The following ZNF764 variants were observed in gnomAD, a reference collection of about 807,000 sequenced individuals.
ZNF764 encodes the protein zinc finger protein 764.
Under a neutral mutation model 13.9 loss-of-function variants are expected in ZNF764, and 10 were observed. The observed-to-expected ratio is 0.72, with a 90% CI of 0.44 to 1.22. The LOEUF (loss-of-function observed/expected upper bound fraction) is 1.22. Among genes scored for constraint, ZNF764 ranks in the 50% most tolerant of loss-of-function variants. The probability of loss-of-function intolerance (pLI) is 0.00; values close to 1 mark genes in which losing one functional copy is unlikely to be tolerated. For missense variants in ZNF764, 647 were observed against 589.7 expected (o/e 1.10, Z -1.01); for synonymous variants, 313 against 255.1 (o/e 1.23, Z -2.16).
In ZNF764 at chr16:30,555,719, C is replaced by G. The variant is rs768912068; in HGVS notation, c.699G>C (p.Leu233=). Residue 233 remains leucine, a synonymous_variant, in exon 3 of 3, where the codon CTG becomes CTC. Coordinates refer to ENST00000395091, the MANE Select transcript of ZNF764 (RefSeq NM_001172679.2). ...IHRGERPHRC[L]ECGRAFTQRS... ...GCTGCGTGAAGGCCCGGCCACACTC[C>G]AGACAGCGGTGGGGCCGCTCCCCAC... 2 of 1,593,000 alleles carry G rather than the reference C, an allele frequency of 1.3e-6. No homozygotes were observed. Among genetic ancestry groups the G allele is most frequent in the African/African-American group, 2.7e-5 (2 of 74,744 alleles).
intron 2 of ZNF764, among the ~76,000 whole-genome samples, chr16:30,557,287 C>A (rs1417932404): frequency 6.6e-6 from 1 of 151,830 alleles, no homozygotes; most frequent in Non-Finnish European, 1.5e-5. Flanking sequence ...GCCTGGGCAA[C>A]GGAGTAAAAC....
chr16:30,555,727 G>T lies in ZNF764; in HGVS notation c.691C>A (p.Arg231Ser), dbSNP rs1187875098. 9 of 1,596,976 alleles carry T rather than the reference G, an allele frequency of 5.6e-6. No individual in the cohort carries two copies. The East Asian group carries it at 1.1e-4, about 20-fold the overall frequency. The change falls in exon 3 of 3, where the codon CGC becomes AGC. Residue 231 changes from arginine (R) to serine (S), a missense_variant. Physicochemically the swap from Arg to Ser is moderately radical, Grantham distance 110. Transcript: ENST00000395091. ...AAGGCCCGGCCACACTCCAGACAGC[G>T]GTGGGGCCGCTCCCCACGATGGATG... is the stretch of plus-strand genomic sequence containing the variant. ...RAIHRGERPHRCLECGRAFTQ... is the reference protein window; with the variant it reads ...RAIHRGERPHSCLECGRAFTQ...
intron 1 of ZNF764, 38 bp from the exon 2 acceptor site, chr16:30,557,884 G>C: frequency 6.3e-7 from 1 of 1,578,028 alleles, no homozygotes; most frequent in Non-Finnish European, 8.6e-7. Flanking sequence ...CTGCGGGGAG[G>C]CCACCTGCCC....
In ZNF764 at chr16:30,554,154, A is replaced by AT. The variant is rs1159711623; in HGVS notation, c.*1039dup. On this transcript the variant is annotated 3_prime_UTR_variant, in exon 3 of 3. Coordinates refer to ENST00000395091, the MANE Select transcript of ZNF764 (RefSeq NM_001172679.2). ...CTAGGTCGAGTTGCCAAATCTTTGG[A>AT]TTTTTCAAAAGACACCAGAAAACCT... 6.6e-6 allele frequency: 1 copy of AT among 152,068 alleles called. No individual in the cohort carries two copies. The highest frequency in any genetic ancestry group is 1.5e-5 in the Non-Finnish European group (1 of 68,016). 9.4% of individuals were successfully genotyped at this position (152,068 alleles called of 1,614,324 possible).
At chr16:30,556,426 G>A (rs1054598725) in intron 2 of ZNF764, among the ~76,000 whole-genome samples, 6 of 152,092 alleles carry the variant, frequency 3.9e-5, no homozygotes, top group South Asian at 2.1e-4. Context: ...AGAACCAGGA[G>A]GGCATGGCCA....
rs2051545014 is a variant in ZNF764, at chr16:30,555,579, TGCA to T, written c.836_838del (p.Val279_His280delinsAsp). On this transcript the variant is annotated inframe_deletion, in exon 3 of 3. Transcript: ENST00000395091. ...GCAGGGGAAGGGGGTCTCGCCGCTG[TGCA>T]CGCGCCGGTGCTGGTAGAGGGCAGA... is the stretch of plus-strand genomic sequence containing the variant. 2 of 1,539,240 alleles carry T rather than the reference TGCA, an allele frequency of 1.3e-6. No homozygotes were observed. The highest frequency in any genetic ancestry group is 8.7e-7 in the Non-Finnish European group (1 of 1,147,880).
rs374698317 is a variant in ZNF764, at chr16:30,555,574, C to T, written c.844G>A (p.Gly282Ser). Residue 282 changes from glycine (G) to serine (S), a missense_variant, in exon 3 of 3, where the codon GGC becomes AGC. Coordinates refer to ENST00000395091, the MANE Select transcript of ZNF764 (RefSeq NM_001172679.2). Reference protein sequence around the residue: ...ALYQHRRVHSGETPFPCPDCG... With the variant: ...ALYQHRRVHSSETPFPCPDCG... ...TCCGGGCAGGGGAAGGGGGTCTCGC[C>T]GCTGTGCACGCGCCGGTGCTGGTAG... 16 of 1,533,042 alleles carry T rather than the reference C, an allele frequency of 1.0e-5. No homozygotes were observed. In the South Asian group the frequency reaches 1.3e-4, roughly 13 times the overall value. 95.0% of individuals were successfully genotyped at this position (1,533,042 alleles called of 1,614,324 possible). A position where few individuals can be genotyped will look rare whatever the true frequency, so the allele number is the denominator to read the frequency against.
chr16:30,556,224 GGAGT>G lies in ZNF764; in HGVS notation c.311-121_311-118del. 2.5e-6 allele frequency: 3 copies of G among 1,205,864 alleles called. No homozygotes were observed. The Admixed American group carries it at 5.7e-5, about 23-fold the overall frequency. The allele number at this position is 1,205,864 out of a possible 1,614,324, so 74.7% of individuals were successfully genotyped here. ...TCCCCGGCTGCTCCTGGGAGATGGA[GGAGT>G]GACACCTGTTCCTCGGCTGCAGAGC... is the stretch of plus-strand genomic sequence containing the variant. On this transcript the variant is annotated intron_variant, in intron 2 of 2. Transcript: ENST00000395091.
rs202070062 is a variant in ZNF764, at chr16:30,555,918, A to C, written c.500T>G (p.Val167Gly). ...GRPSLCAHPP[V>G]PRADQRHGCY... ...GCCATGACGCTGGTCAGCTCGGGGGACAGGGGGGTGGGCACAGAGGGAGGG... is the reference window on the plus strand; with the variant it reads ...GCCATGACGCTGGTCAGCTCGGGGGCCAGGGGGGTGGGCACAGAGGGAGGG... The change falls in exon 3 of 3, where the codon GTC becomes GGC. Residue 167 changes from valine to glycine, a missense_variant. Coordinates refer to ENST00000395091, the MANE Select transcript of ZNF764 (RefSeq NM_001172679.2). The C allele has an allele frequency of 2.4e-4, 379 of 1,610,918 alleles. No individual in the cohort carries two copies. Among genetic ancestry groups the C allele is most frequent in the Middle Eastern group, 5.0e-4 (3 of 5,994 alleles).
Position 30,555,886 on chromosome 16 carries a change from C to G in ZNF764, c.532G>C (p.Val178Leu). 6.2e-7 allele frequency: 1 copy of G among 1,611,988 alleles called. No homozygotes were observed. Among genetic ancestry groups the G allele is most frequent in the Non-Finnish European group, 8.5e-7 (1 of 1,179,324 alleles). ...CGCCAGGCAAAGCTCTTCCCGCACA[C>G]GTAGCAGCCATGACGCTGGTCAGCT... ...PRADQRHGCY[V>L]CGKSFAWRST... The change falls in exon 3 of 3, where the codon GTG becomes CTG. Residue 178 changes from valine to leucine, a missense_variant. Transcript: ENST00000395091.
At chr16:30,557,906 C>T (rs932735505) in intron 1 of ZNF764, 60 bp from the exon 2 acceptor site, 6 of 1,571,710 alleles carry the variant, frequency 3.8e-6, no homozygotes, top group Non-Finnish European at 4.3e-6. Context: ...GCCCCGGGGC[C>T]CCCAACTTCA....
rs754102496 is a variant in ZNF764 at position 30,555,943 on chromosome 16, G to A, written c.475C>T (p.Pro159Ser). Residue 159 changes from proline to serine, a missense_variant, in exon 3 of 3, where the codon CCC becomes TCC. By Grantham distance (74) the Pro-to-Ser change is moderately conservative (BLOSUM62 -1). Coordinates refer to ENST00000395091, the MANE Select transcript of ZNF764 (RefSeq NM_001172679.2). ...QLSKAPHRGR[P>S]SLCAHPPVPR... is the part of the protein sequence containing the mutation. ...ACAGGGGGGTGGGCACAGAGGGAGG[G>A]GCGTCCCCGGTGCGGTGCCTTGGAC... is the stretch of plus-strand genomic sequence containing the variant. 2 of 1,611,716 alleles carry A rather than the reference G, an allele frequency of 1.2e-6. No individual in the cohort carries two copies. The highest frequency in any genetic ancestry group is 2.2e-5 in the East Asian group (1 of 44,850).
rs777210908 is a variant in ZNF764 at position 30,556,120 on chromosome 16, A to T, written c.311-13T>A. The T allele has an allele frequency of 1.2e-6, 2 of 1,609,460 alleles. No homozygotes were observed. The highest frequency in any genetic ancestry group is 8.5e-7 in the Non-Finnish European group (1 of 1,179,970). ...TTGTTTCTGGAATCTGCTGAGAGATAAAGAGGGGAGAGTTCAGGCTCGGCT... is the reference window on the plus strand; with the variant it reads ...TTGTTTCTGGAATCTGCTGAGAGATTAAGAGGGGAGAGTTCAGGCTCGGCT... On this transcript the variant is annotated splice_polypyrimidine_tract_variant and intron_variant, in intron 2 of 2. Coordinates refer to ENST00000395091, the MANE Select transcript of ZNF764 (RefSeq NM_001172679.2).
In ZNF764 at chr16:30,556,356, CAGA is replaced by C. The variant is rs2051556739; in HGVS notation, c.311-252_311-250del. Among the ~76,000 whole-genome samples, 4 of 151,974 alleles carry C rather than the reference CAGA, an allele frequency of 2.6e-5. No individual in the cohort carries two copies. The South Asian group carries it at 6.2e-4, about 24-fold the overall frequency. On this transcript the variant is annotated intron_variant, in intron 2 of 2. Transcript: ENST00000395091. ...ATGACATGAACATCTGGGCCTGATC[CAGA>C]AGGAGGAACGGACACCTGAGGATGT... is the stretch of plus-strand genomic sequence containing the variant.
At position 30,555,277 on chromosome 16, in the gene ZNF764, C is replaced by T; in HGVS notation, c.1141G>A (p.Val381Met). The T allele has an allele frequency of 1.2e-6, 2 of 1,612,842 alleles. No homozygotes were observed. Among genetic ancestry groups the T allele is most frequent in the Non-Finnish European group, 1.7e-6 (2 of 1,179,610 alleles). Reference protein sequence around the residue: ...HRGRVAGRLSVTLTPGHGDLD... With the variant: ...HRGRVAGRLSMTLTPGHGDLD... Reference sequence around the variant, plus strand: ...TCTCCGTGGCCAGGGGTCAGGGTCACAGACAGACGCCCGGCGACCCGGCCC... The same window carrying T: ...TCTCCGTGGCCAGGGGTCAGGGTCATAGACAGACGCCCGGCGACCCGGCCC... Residue 381 changes from valine (V) to methionine (M), a missense_variant, in exon 3 of 3, where the codon GTG (valine) becomes ATG (methionine). Coordinates refer to ENST00000395091, the MANE Select transcript of ZNF764 (RefSeq NM_001172679.2).
chr16:30,555,154 C>T lies in ZNF764; in HGVS notation c.*40G>A, dbSNP rs2051536889. The T allele has an allele frequency of 2.6e-6, 4 of 1,553,392 alleles. No individual in the cohort carries two copies. Among genetic ancestry groups the T allele is most frequent in the South Asian group, 2.5e-5 (2 of 81,100 alleles). On this transcript the variant is annotated 3_prime_UTR_variant, in exon 3 of 3. Coordinates refer to ENST00000395091, the MANE Select transcript of ZNF764 (RefSeq NM_001172679.2). Reference sequence around the variant, plus strand: ...GAGGTTCGGGCCCCTGAGCCCATCTCGGGCCTCCCGTAATGTCTAGATAGT... The same window carrying T: ...GAGGTTCGGGCCCCTGAGCCCATCTTGGGCCTCCCGTAATGTCTAGATAGT...
chr16:30,557,587 GC>G, intron 2 of ZNF764, 145 bp downstream of exon 2: 1 of 1,228,214 alleles, frequency 8.1e-7, no homozygotes, highest in Non-Finnish European at 1.1e-6. Flanking sequence ...GCATCTGGGA[GC>G]CACGCAGGGG....
rs778512268 is a variant in ZNF764 at position 30,555,886 on chromosome 16, C to T, written c.532G>A (p.Val178Met). ...CGCCAGGCAAAGCTCTTCCCGCACACGTAGCAGCCATGACGCTGGTCAGCT... is the reference window on the plus strand; with the variant it reads ...CGCCAGGCAAAGCTCTTCCCGCACATGTAGCAGCCATGACGCTGGTCAGCT... The part of the protein sequence containing the change: ...PRADQRHGCY[V>M]CGKSFAWRST... Residue 178 changes from valine to methionine, a missense_variant, in exon 3 of 3, where the codon GTG becomes ATG. By Grantham distance (21) the Val-to-Met change is conservative (BLOSUM62 1). Transcript: ENST00000395091. 3 of 1,611,870 alleles carry T rather than the reference C, an allele frequency of 1.9e-6. No homozygotes were observed. The highest frequency in any genetic ancestry group is 2.2e-5 in the South Asian group (2 of 90,978).
rs757781807 is a variant in ZNF764 at position 30,557,919 on chromosome 16, C to A, written c.196+68G>T. ...CGGCCCCGGGGCCCCCAACTTCACG[C>A]GCAGCTCCCAGAGGCGCGGCAGGGC... On this transcript the variant is annotated intron_variant, in intron 1 of 2. Transcript: ENST00000395091. 6 of 1,571,678 alleles carry A rather than the reference C, an allele frequency of 3.8e-6. No individual in the cohort carries two copies. The East Asian group carries it at 1.2e-4, about 31-fold the overall frequency.
Sources: gnomAD v4.1 joint callset for allele counts (sites outside exome capture counted in the v4.1 genomes callset) on GRCh38, gnomAD v4.1.1 for gene constraint, MANE v1.5 for transcripts, NCBI Gene and HGNC (gene_info 2026-07-23, HGNC 2026-07-21) for gene names.